Variants in CCDC171 observed in about 807,000 individuals in gnomAD.
CCDC171 encodes the protein coiled-coil domain-containing protein 171.
A neutral mutation model predicts 168.2 loss-of-function variants in CCDC171; 177 were observed. That is an observed-to-expected ratio of 1.05 (90% CI 0.93 to 1.19). CCDC171 has a LOEUF of 1.19. Ranked by LOEUF, CCDC171 falls within the 50% of genes most tolerant of loss-of-function variation. CCDC171 has a pLI of 0.00. For synonymous variants in CCDC171, 687 were observed against 540.8 expected, an observed-to-expected ratio of 1.27 and a Z score of -3.75; for missense variants, 1,991 against 1,539.0, an observed-to-expected ratio of 1.29 and a Z score of -4.91.
intron 18 of CCDC171, among the ~76,000 whole-genome samples, chr9:15,747,009 C>T (rs1477807087): frequency 6.6e-6 from 1 of 152,198 alleles, no homozygotes; most frequent in African/African-American, 2.4e-5. Context: ...AATCCATTGG[C>T]TTGAAATCCT....
intron 18 of CCDC171, among the ~76,000 whole-genome samples, chr9:15,766,269 G>A (rs1370877565): frequency 6.6e-6 from 1 of 152,056 alleles, no homozygotes; most frequent in African/African-American, 2.4e-5. Flanking sequence ...TCTCACCCAG[G>A]AGTCTTGTGT....
intron 18 of CCDC171, among the ~76,000 whole-genome samples, chr9:15,759,302 A>G (rs2056316777): frequency 6.6e-6 from 1 of 152,192 alleles, no homozygotes; most frequent in Admixed American, 6.5e-5. Flanking sequence ...GGTTGATAGT[A>G]TGATGCTGTG....
At chr9:15,953,487 G>C (rs1829440640) in intron 25 of CCDC171, among the ~76,000 whole-genome samples, 1 of 152,076 alleles carries the variant, frequency 6.6e-6, no homozygotes, top group African/African-American at 2.4e-5. Context: ...ACATAAATTG[G>C]CTTTTGTATG....
At chr9:16,091,943 G>A in the CCDC171 span, among the ~76,000 whole-genome samples, 1 of 152,190 alleles carries the variant, frequency 6.6e-6, no homozygotes, top group East Asian at 1.9e-4. Context: ...GAGGGAACAA[G>A]GTTTTAAATA....
intron 2 of CCDC171, among the ~76,000 whole-genome samples, chr9:15,571,157 G>C (rs2040193356): frequency 6.6e-6 from 1 of 152,048 alleles, no homozygotes; most frequent in Admixed American, 6.6e-5. Context: ...TCTCTCTCTT[G>C]TGAGTTTATA....
intron 7 of CCDC171, among the ~76,000 whole-genome samples, chr9:15,648,527 G>A (rs1366878773): frequency 2.0e-5 from 3 of 152,146 alleles, no homozygotes; most frequent in Non-Finnish European, 4.4e-5. Context: ...ATCTCCTTAA[G>A]CTGATAAGCA....
At chr9:15,636,065 T>A (rs1370780952) in intron 7 of CCDC171, among the ~76,000 whole-genome samples, 1 of 152,198 alleles carries the variant, frequency 6.6e-6, no homozygotes, top group Non-Finnish European at 1.5e-5. Flanking sequence ...TTTTATGTGC[T>A]TATTAGGCAT....
intron 11 of CCDC171, among the ~76,000 whole-genome samples, chr9:15,699,016 A>G (rs541124194): frequency 6.6e-6 from 1 of 152,250 alleles, no homozygotes; most frequent in South Asian, 2.1e-4. Context: ...GCTGGATCAT[A>G]TTGTGTCCGG....
intron 6 of CCDC171, among the ~76,000 whole-genome samples, chr9:15,606,866 T>C (rs2043266706): frequency 6.6e-6 from 1 of 152,156 alleles, no homozygotes; most frequent in South Asian, 2.1e-4. Flanking sequence ...AAGAAGAACT[T>C]CCCTCAATTT....
At chr9:15,920,560 T>G in intron 25 of CCDC171, 138 bp downstream of exon 25, 1 of 628,762 alleles carries the variant, frequency 1.6e-6, no homozygotes, top group African/African-American at 1.9e-5. Context: ...CATAAAATTA[T>G]TTGTGTGGAG....
chr9:15,606,153 G>T (rs894963944), intron 6 of CCDC171, among the ~76,000 whole-genome samples: 1 of 152,080 alleles, frequency 6.6e-6, no homozygotes, highest in African/African-American at 2.4e-5. Flanking sequence ...ATATCTTATT[G>T]TACTGTATTC....
At chr9:15,610,301 C>A (rs1330377236) in intron 6 of CCDC171, among the ~76,000 whole-genome samples, 1 of 151,154 alleles carries the variant, frequency 6.6e-6, no homozygotes, top group Non-Finnish European at 1.5e-5. Flanking sequence ...TCATGGCTCA[C>A]TGCAGCTTAA....
intron 9 of CCDC171, among the ~76,000 whole-genome samples, chr9:15,676,937 A>G (rs1564191637): frequency 6.6e-6 from 1 of 152,124 alleles, no homozygotes; most frequent in Non-Finnish European, 1.5e-5. Flanking sequence ...ATGTTACATT[A>G]TTATACATGA....
downstream of CCDC171, among the ~76,000 whole-genome samples, chr9:15,975,887 A>T (rs1240476207): frequency 1.3e-5 from 2 of 152,166 alleles, no homozygotes; most frequent in Non-Finnish European, 2.9e-5. Flanking sequence ...GGATCTTGAG[A>T]TCAGGAGATT....
intron 7 of CCDC171, among the ~76,000 whole-genome samples, chr9:15,632,606 T>C (rs1464543263): frequency 2.6e-5 from 4 of 152,064 alleles, no homozygotes; most frequent in Non-Finnish European, 5.9e-5. Context: ...CCAAGGTAAT[T>C]TATAGATTCA....
intron 8 of CCDC171, among the ~76,000 whole-genome samples, chr9:15,660,627 C>A (rs936670592): frequency 9.2e-5 from 14 of 152,166 alleles, no homozygotes; most frequent in Admixed American, 4.6e-4. Flanking sequence ...CCAGCTGCAT[C>A]CATGTTGTAG....
At chr9:15,932,123 A>G (rs749124895) in intron 25 of CCDC171, among the ~76,000 whole-genome samples, 2 of 151,726 alleles carry the variant, frequency 1.3e-5, no homozygotes, top group Non-Finnish European at 2.9e-5. Context: ...GAATTTTAGC[A>G]CTTTTTTTTC....
chr9:16,089,949 G>A, the CCDC171 span, among the ~76,000 whole-genome samples: 2 of 152,192 alleles, frequency 1.3e-5, no homozygotes, highest in Admixed American at 1.3e-4. Context: ...TGGAGAAATA[G>A]GAAAGCTTTG....
Position 15,920,366 on chromosome 9 carries a change from G to A in CCDC171, c.3697G>A (p.Ala1233Thr). 1 of 1,610,150 alleles carries A rather than the reference G, an allele frequency of 6.2e-7. No individual in the cohort carries two copies. The highest frequency in any genetic ancestry group is 8.5e-7 in the Non-Finnish European group (1 of 1,177,448). Residue 1233 changes from alanine (A) to threonine (T), a missense_variant, in exon 25 of 26, where the codon GCC (alanine) becomes ACC (threonine). Physicochemically the swap from Ala to Thr is moderately conservative, Grantham distance 58 (BLOSUM62 0). Coordinates refer to ENST00000380701, the MANE Select transcript of CCDC171 (RefSeq NM_173550.4). ...EMTSHRSHIA[A>T]LKSELHTACL... ...GACATCTCATCGAAGTCACATTGCA[G>A]CCTTGAAATCAGAACTTCACACAGC...
Sources: gnomAD v4.1 joint callset for allele counts (sites outside exome capture counted in the v4.1 genomes callset) on GRCh38, gnomAD v4.1.1 for gene constraint, MANE v1.5 for transcripts, NCBI Gene and HGNC (gene_info 2026-07-23, HGNC 2026-07-21) for gene names.